The following LRRC4C variants were observed in gnomAD, a reference collection of about 807,000 sequenced individuals.
LRRC4C encodes the protein leucine rich repeat containing 4C.
A neutral mutation model predicts 33.6 loss-of-function variants in LRRC4C; 5 were observed. The observed-to-expected ratio is 0.15, with a 90% CI of 0.08 to 0.31. The LOEUF (loss-of-function observed/expected upper bound fraction) is 0.31. LRRC4C is among the 10% of genes least tolerant of loss of function. The pLI, the probability that LRRC4C is intolerant of heterozygous loss-of-function variation, is 1.00. For synonymous variants in LRRC4C, 329 were observed against 302.0 expected (o/e 1.09, Z -0.93); for missense variants, 560 against 796.7 (o/e 0.70, Z 3.58).
At chr11:41,360,962 T>A (rs1280523363) in intron 1 of LRRC4C, among the ~76,000 whole-genome samples, 1 of 152,234 alleles carries the variant, frequency 6.6e-6, no homozygotes, top group Non-Finnish European at 1.5e-5. Flanking sequence ...CATCATGGCA[T>A]TAATAAGTTG....
Position 41,194,335 on chromosome 11 carries a change from G to A in LRRC4C, c.-495-260612C>T, listed in dbSNP as rs1375257705. Reference sequence around the variant, plus strand: ...CTTCTAACCCCTATATTGTTCAAGGGTCAACTATATATGATAATATGAGTA... The same window carrying A: ...CTTCTAACCCCTATATTGTTCAAGGATCAACTATATATGATAATATGAGTA... On this transcript the variant is annotated intron_variant, in intron 1 of 6. Transcript: ENST00000528697. 2.0e-5 allele frequency among the ~76,000 whole-genome samples: 3 copies of A among 151,932 alleles called. No homozygotes were observed. The East Asian group carries it at 5.8e-4, about 29-fold the overall frequency.
chr11:41,019,724 G>T (rs965077481), intron 1 of LRRC4C, among the ~76,000 whole-genome samples: 18 of 152,118 alleles, frequency 1.2e-4, no homozygotes, highest in African/African-American at 4.3e-4. Flanking sequence ...TGACTGGTAT[G>T]AGATGGTATC....
chr11:40,303,377 G>C (rs1204552253), intron 4 of LRRC4C, among the ~76,000 whole-genome samples: 1 of 152,148 alleles, frequency 6.6e-6, no homozygotes, highest in Admixed American at 6.5e-5. Flanking sequence ...ATATAATGAA[G>C]TACTCCCTCA....
chr11:41,010,873 T>C (rs2137526241), intron 1 of LRRC4C, among the ~76,000 whole-genome samples: 1 of 152,242 alleles, frequency 6.6e-6, no homozygotes, highest in East Asian at 1.9e-4. Flanking sequence ...AAACATAAAC[T>C]TGCCAAATGA....
intron 3 of LRRC4C, among the ~76,000 whole-genome samples, chr11:40,581,122 T>G (rs148694208): frequency 6.6e-6 from 1 of 152,236 alleles, no homozygotes. Flanking sequence ...ACCGTTATCT[T>G]TGGGGCATGA....
intron 6 of LRRC4C, among the ~76,000 whole-genome samples, chr11:40,124,865 TA>T: frequency 6.6e-6 from 1 of 152,174 alleles, no homozygotes; most frequent in Non-Finnish European, 1.5e-5. Context: ...CCATTTATCC[TA>T]ATGTGATTAT....
intron 2 of LRRC4C, among the ~76,000 whole-genome samples, chr11:40,893,633 C>T (rs1275918703): frequency 6.6e-6 from 1 of 151,960 alleles, no homozygotes; most frequent in Admixed American, 6.6e-5. Flanking sequence ...ATCTCACAGG[C>T]ACTTATTAAG....
At chr11:40,439,799 T>G (rs1252587949) in intron 3 of LRRC4C, among the ~76,000 whole-genome samples, 1 of 152,152 alleles carries the variant, frequency 6.6e-6, no homozygotes, top group Non-Finnish European at 1.5e-5. Flanking sequence ...CTACTAACAT[T>G]TAAAAATGCA....
At chr11:40,563,881 C>T (rs1485326795) in intron 3 of LRRC4C, among the ~76,000 whole-genome samples, 1 of 152,172 alleles carries the variant, frequency 6.6e-6, no homozygotes, top group Non-Finnish European at 1.5e-5. Flanking sequence ...AGCCCTCTGT[C>T]TCCTTAAGGC....
At chr11:40,871,913 G>C (rs1954669228) in intron 2 of LRRC4C, among the ~76,000 whole-genome samples, 1 of 152,110 alleles carries the variant, frequency 6.6e-6, no homozygotes, top group Non-Finnish European at 1.5e-5. Flanking sequence ...TATTGTGGTG[G>C]TATTGAATAT....
chr11:41,265,231 A>G (rs1181400350), intron 1 of LRRC4C, among the ~76,000 whole-genome samples: 1 of 152,184 alleles, frequency 6.6e-6, no homozygotes, highest in Non-Finnish European at 1.5e-5. Context: ...AGTCCCAATA[A>G]TAACACTCTG....
At chr11:40,748,514 C>T (rs946098963) in intron 2 of LRRC4C, among the ~76,000 whole-genome samples, 1 of 151,818 alleles carries the variant, frequency 6.6e-6, no homozygotes, top group Non-Finnish European at 1.5e-5. Context: ...AGAAAGGACT[C>T]AAATGGTACT....
At chr11:40,718,730 T>G (rs1256317746) in intron 2 of LRRC4C, among the ~76,000 whole-genome samples, 2 of 152,218 alleles carry the variant, frequency 1.3e-5, no homozygotes, top group African/African-American at 4.8e-5. Context: ...TGCTGCTATT[T>G]GTAAATAAAA....
At position 41,095,209 on chromosome 11, in the gene LRRC4C, G is replaced by A. The variant is rs142268061; in HGVS notation, c.-495-161486C>T. ...CATGGAGGCTGGAGAGAGAGAGAGC[G>A]CACAACGAGCAAGTGCCTCACTTTT... On this transcript the variant is annotated intron_variant, in intron 1 of 6. Transcript: ENST00000528697. Among the ~76,000 whole-genome samples the A allele has an allele frequency of 7.0e-3, 1,068 of 151,994 alleles. 10 individuals carry two copies. Among genetic ancestry groups the A allele is most frequent in the African/African-American group, 0.024 (976 of 41,462 alleles).
At chr11:40,654,879 C>G (rs1943017373) in intron 2 of LRRC4C, among the ~76,000 whole-genome samples, 1 of 152,074 alleles carries the variant, frequency 6.6e-6, no homozygotes, top group Non-Finnish European at 1.5e-5. Flanking sequence ...GTGGTTTCCC[C>G]CATGCCATTC....
intron 5 of LRRC4C, among the ~76,000 whole-genome samples, chr11:40,205,794 T>G (rs190080454): frequency 4.6e-5 from 7 of 152,170 alleles, no homozygotes; most frequent in African/African-American, 1.7e-4. Context: ...GAAAATATCA[T>G]TAAGTTACAA....
At chr11:41,152,332 C>T (rs1045487176) in intron 1 of LRRC4C, among the ~76,000 whole-genome samples, 9 of 152,178 alleles carry the variant, frequency 5.9e-5, no homozygotes, top group African/African-American at 2.2e-4. Context: ...CAGAATTAAA[C>T]CCAGGCTTAT....
chr11:41,039,690 T>A (rs1857309225), intron 1 of LRRC4C, among the ~76,000 whole-genome samples: 1 of 152,196 alleles, frequency 6.6e-6, no homozygotes, highest in Non-Finnish European at 1.5e-5. Context: ...AGCGCTGGAC[T>A]GACTTTCCTA....
intron 2 of LRRC4C, among the ~76,000 whole-genome samples, chr11:40,811,990 T>C (rs186173936): frequency 6.6e-6 from 1 of 152,334 alleles, no homozygotes; most frequent in Admixed American, 6.5e-5. Context: ...TTAATGAGAC[T>C]TAGTTTAATT....
Sources: allele counts gnomAD v4.1 joint callset (sites outside exome capture counted in the v4.1 genomes callset), GRCh38; gene constraint gnomAD v4.1.1; transcripts MANE v1.5; gene names NCBI Gene and HGNC (gene_info 2026-07-23, HGNC 2026-07-21).